Variants in GALNT13 observed in about 807,000 individuals in gnomAD.
GALNT13 encodes UDP-GalNAc:polypeptide N-acetylgalactosaminyltransferase 13.
Under a neutral mutation model 64.2 loss-of-function variants are expected in GALNT13, and 28 were observed. The observed-to-expected ratio is 0.44, with a 90% confidence interval of 0.32 to 0.60. The LOEUF (loss-of-function observed/expected upper bound fraction) is 0.60. Ranked by LOEUF, GALNT13 falls within the 20% of genes least tolerant of loss-of-function variation. The probability of loss-of-function intolerance (pLI) is 0.05; values close to 1 mark genes in which losing one functional copy is unlikely to be tolerated. For missense variants in GALNT13, 577 were observed against 669.8 expected (o/e 0.86, Z 1.53); for synonymous variants, 214 against 224.6 (o/e 0.95, Z 0.42).
At chr2:154,240,298 T>C (rs2348923) in intron 4 of GALNT13, among the ~76,000 whole-genome samples, 26,310 of 152,104 alleles carry the variant, frequency 0.17, 2,568 homozygotes, top group East Asian at 0.32. Flanking sequence ...TCTGGACTTA[T>C]TTGGATTTAT....
the GALNT13 span, among the ~76,000 whole-genome samples, chr2:153,199,688 G>T: frequency 6.6e-6 from 1 of 152,078 alleles, no homozygotes; most frequent in Admixed American, 6.6e-5. Flanking sequence ...TATAAGATAC[G>T]ATTGGAAGAT....
At chr2:153,152,410 T>G in the GALNT13 span, among the ~76,000 whole-genome samples, 1 of 149,790 alleles carries the variant, frequency 6.7e-6, no homozygotes, top group East Asian at 1.9e-4. Flanking sequence ...CCACACACTT[T>G]CTTTTTTTTT....
the GALNT13 span, among the ~76,000 whole-genome samples, chr2:153,569,900 A>C: frequency 5.9e-5 from 9 of 152,074 alleles, no homozygotes; most frequent in African/African-American, 1.7e-4. Context: ...CATGAGGTCA[A>C]TTGTTTTAAT....
intron 4 of GALNT13, among the ~76,000 whole-genome samples, chr2:154,153,092 C>T (rs550483918): frequency 4.6e-5 from 7 of 152,240 alleles, no homozygotes; most frequent in African/African-American, 1.4e-4. Context: ...ATGATGGTGA[C>T]GTACAGATGG....
the GALNT13 span, among the ~76,000 whole-genome samples, chr2:153,408,201 A>T: frequency 6.6e-6 from 1 of 152,192 alleles, no homozygotes; most frequent in South Asian, 2.1e-4. Context: ...TGGGTTAGAA[A>T]GAGACTATGG....
At chr2:154,077,702 A>T (rs1402360792) in intron 3 of GALNT13, among the ~76,000 whole-genome samples, 2 of 151,512 alleles carry the variant, frequency 1.3e-5, no homozygotes, top group East Asian at 3.9e-4. Context: ...TTAGTCATTG[A>T]CATCAAGGAA....
chr2:153,745,770 G>A, the GALNT13 span, among the ~76,000 whole-genome samples: 18 of 152,222 alleles, frequency 1.2e-4, no homozygotes, highest in East Asian at 3.3e-3. Flanking sequence ...ACCTGGACTG[G>A]AGTGCAGTGA....
the GALNT13 span, among the ~76,000 whole-genome samples, chr2:153,109,458 A>T: frequency 4.6e-5 from 7 of 152,178 alleles, no homozygotes; most frequent in Non-Finnish European, 7.4e-5. Context: ...AGAGAGTTCA[A>T]TTGGTTCTAT....
At chr2:154,131,504 A>G (rs922516572) in intron 3 of GALNT13, among the ~76,000 whole-genome samples, 1 of 152,144 alleles carries the variant, frequency 6.6e-6, no homozygotes, top group Admixed American at 6.5e-5. Context: ...TTCTCATCTT[A>G]TGTCCATTAA....
the GALNT13 span, among the ~76,000 whole-genome samples, chr2:153,699,013 A>T: frequency 7.2e-5 from 11 of 152,142 alleles, no homozygotes; most frequent in Non-Finnish European, 1.5e-5. Flanking sequence ...TCACGAGGTC[A>T]AGAGATCAAG....
At chr2:153,990,123 A>C (rs1238788018) in intron 3 of GALNT13, among the ~76,000 whole-genome samples, 1 of 152,112 alleles carries the variant, frequency 6.6e-6, no homozygotes, top group Non-Finnish European at 1.5e-5. Context: ...ATCTTTCTGT[A>C]GACTGGTGCT....
At chr2:154,380,870 G>C (rs970436932) in intron 9 of GALNT13, among the ~76,000 whole-genome samples, 13 of 152,098 alleles carry the variant, frequency 8.5e-5, no homozygotes, top group Middle Eastern at 3.4e-3. Context: ...TCAGAATTTA[G>C]TTCCTTGGAG....
At chr2:153,889,458 T>C (rs1458524968) in intron 1 of GALNT13, among the ~76,000 whole-genome samples, 1 of 151,992 alleles carries the variant, frequency 6.6e-6, no homozygotes, top group Non-Finnish European at 1.5e-5. Context: ...AACTACTACA[T>C]GTAGTGGGAG....
At chr2:153,656,842 C>A in the GALNT13 span, among the ~76,000 whole-genome samples, 2 of 151,974 alleles carry the variant, frequency 1.3e-5, 1 homozygote, top group Non-Finnish European at 2.9e-5. Flanking sequence ...AACAGTCACA[C>A]ATTGGGATGA....
the GALNT13 span, among the ~76,000 whole-genome samples, chr2:153,077,448 CA>C: frequency 2.0e-5 from 3 of 151,626 alleles, no homozygotes; most frequent in Non-Finnish European, 4.4e-5. Flanking sequence ...AACGAAGTGT[CA>C]GAGGCAAGTG....
chr2:153,150,689 A>G, the GALNT13 span, among the ~76,000 whole-genome samples: 2 of 152,114 alleles, frequency 1.3e-5, no homozygotes, highest in East Asian at 3.9e-4. Context: ...CTTTCTACAT[A>G]TGGCTAGCCA....
At position 154,277,570 on chromosome 2, in the gene GALNT13, G is replaced by A. The variant is rs546849315; in HGVS notation, c.975+18432G>A. On this transcript the variant is annotated intron_variant, in intron 8 of 12. Transcript: ENST00000392825. The stretch of plus-strand genomic sequence containing the variant: ...TTATGAGATTTATTTAAATAAGACC[G>A]AACAATTTCTGCAATAACAGATTCT... Among the ~76,000 whole-genome samples the A allele has an allele frequency of 3.9e-5, 6 of 152,100 alleles. No homozygotes were observed. In the South Asian group the frequency reaches 1.0e-3, roughly 26 times the overall value.
intron 3 of GALNT13, among the ~76,000 whole-genome samples, chr2:153,988,887 C>T (rs192057378): frequency 6.6e-6 from 1 of 151,860 alleles, no homozygotes; most frequent in East Asian, 1.9e-4. Flanking sequence ...CAGTAAATGC[C>T]AGAGATGGTA....
chr2:153,299,366 A>G, the GALNT13 span, among the ~76,000 whole-genome samples: 1 of 152,216 alleles, frequency 6.6e-6, no homozygotes, highest in African/African-American at 2.4e-5. Flanking sequence ...GAATTGAATG[A>G]AGAAATCACT....
Sources: gnomAD v4.1 joint callset for allele counts (sites outside exome capture counted in the v4.1 genomes callset) on GRCh38, gnomAD v4.1.1 for gene constraint, MANE v1.5 for transcripts, NCBI Gene and HGNC (gene_info 2026-07-23, HGNC 2026-07-21) for gene names.